POLG2: variants seen among roughly 807,000 people sequenced by gnomAD.
POLG2 encodes the protein DNA polymerase subunit gamma-2.
POLG2 carries 50 observed loss-of-function variants against 56.5 expected under a neutral mutation model. That is an observed-to-expected ratio of 0.88 (90% CI 0.71 to 1.12). The LOEUF (loss-of-function observed/expected upper bound fraction) is 1.12. Among genes scored for constraint, POLG2 ranks in the 50% most tolerant of loss-of-function variants. The probability of loss-of-function intolerance (pLI) is 0.00; values close to 1 mark genes in which losing one functional copy is unlikely to be tolerated. For missense variants in POLG2, 584 were observed against 583.3 expected, an observed-to-expected ratio of 1.00 and a Z score of -0.01; for synonymous variants, 226 against 222.6, an observed-to-expected ratio of 1.02 and a Z score of -0.14.
intron 6 of POLG2, among the ~76,000 whole-genome samples, chr17:64,482,096 CT>C (rs1185623297): frequency 3.9e-3 from 452 of 116,042 alleles, no homozygotes; most frequent in East Asian, 7.7e-3. Context: ...TTAATTAAAG[CT>C]TTTTTTTTTT....
At chr17:64,489,523 G>A (rs2038019769) in intron 4 of POLG2, among the ~76,000 whole-genome samples, 1 of 151,238 alleles carries the variant, frequency 6.6e-6, no homozygotes. Flanking sequence ...CATTTTGGGA[G>A]GCTGAGGCAG....
Position 64,496,884 on chromosome 17 carries a change from GC to G in POLG2, c.84del (p.Gln29SerfsTer5). On this transcript the variant is annotated frameshift_variant, in exon 1 of 8. Transcript: ENST00000539111. LOFTEE classifies it high-confidence loss of function. ...CTCCTTTCCGTCAACAGCTCCGGCT[GC>G]CCCGCATCTACTCGACCCCCAAACC... ...LSGFGGRVDA[G>X]QPELLTERSS... The G allele has an allele frequency of 6.2e-7, 1 of 1,613,358 alleles. No individual in the cohort carries two copies.
chr17:64,478,123 C>T, intron 7 of POLG2, 135 bp from the exon 8 acceptor site: 1 of 812,196 alleles, frequency 1.2e-6, no homozygotes, highest in Non-Finnish European at 2.0e-6. Context: ...ACCAAAAAAA[C>T]CCAACATTTT....
At chr17:64,495,713 AT>A (rs879955859) in intron 1 of POLG2, among the ~76,000 whole-genome samples, 66 of 147,844 alleles carry the variant, frequency 4.5e-4, no homozygotes, top group Middle Eastern at 3.5e-3. Context: ...AACTATTTGA[AT>A]TTTTTTTTTT....
intron 1 of POLG2, among the ~76,000 whole-genome samples, chr17:64,495,399 G>C (rs1164166138): frequency 6.6e-6 from 1 of 151,964 alleles, no homozygotes; most frequent in African/African-American, 2.4e-5. Context: ...GGACAACATG[G>C]CAAAACCTCA....
intron 6 of POLG2, among the ~76,000 whole-genome samples, chr17:64,481,042 C>T (rs191660658): frequency 9.6e-4 from 146 of 152,282 alleles, no homozygotes; most frequent in African/African-American, 3.4e-3. Flanking sequence ...AACAGTCTAG[C>T]ACCAACAGTC....
Position 64,482,920 on chromosome 17 carries a change from T to A in POLG2, c.1190A>T (p.Gln397Leu), listed in dbSNP as rs1382268738. 1 of 1,529,348 alleles carries A rather than the reference T, an allele frequency of 6.5e-7. No individual in the cohort carries two copies. Among genetic ancestry groups the A allele is most frequent in the African/African-American group, 1.4e-5 (1 of 72,600 alleles). The allele number at this position is 1,529,348 out of a possible 1,614,324, so 94.7% of individuals were successfully genotyped here. ...VGRGPTLELR[Q>L]VCQGLFNELL... ...GACATTTAAACTCATTTAACTCACC[T>A]GTCTTAGTTCCAATGTGGGGCCTCT... Residue 397 changes from glutamine (Q) to leucine (L), a missense_variant and splice_region_variant, in exon 6 of 8, where the codon CAG becomes CTG. Physicochemically the swap from Gln to Leu is moderately radical, Grantham distance 113. Transcript: ENST00000539111.
intron 3 of POLG2, chr17:64,491,374 CACTTGAGCTTAGG>C: frequency 3.6e-6 from 2 of 555,204 alleles, no homozygotes; most frequent in South Asian, 4.0e-5. Flanking sequence ...GCAGGGGGAT[CACTTGAGCTTAGG>C]ACTTCGAGAC....
intron 4 of POLG2, among the ~76,000 whole-genome samples, chr17:64,486,485 C>A (rs2037958152): frequency 6.6e-6 from 1 of 152,012 alleles, no homozygotes; most frequent in Admixed American, 6.6e-5. Context: ...CCTCAGTCTC[C>A]TGAGTAGCTA....
At chr17:64,482,379 T>C (rs1555666689) in intron 6 of POLG2, among the ~76,000 whole-genome samples, 1 of 151,076 alleles carries the variant, frequency 6.6e-6, no homozygotes, top group African/African-American at 2.5e-5. Flanking sequence ...TGGAGTGCAG[T>C]GGTGCTATCT....
intron 3 of POLG2, among the ~76,000 whole-genome samples, chr17:64,491,969 A>G (rs984453421): frequency 2.6e-5 from 4 of 152,062 alleles, no homozygotes; most frequent in African/African-American, 4.8e-5. Flanking sequence ...GACAACAAAA[A>G]TAAAATAAAA....
chr17:64,480,499 T>C, intron 6 of POLG2, 110 bp from the exon 7 acceptor site: 1 of 552,782 alleles, frequency 1.8e-6, no homozygotes, highest in Non-Finnish European at 3.5e-6. Context: ...AAAATGGGTA[T>C]GTTTCTTTAA....
intron 5 of POLG2, among the ~76,000 whole-genome samples, chr17:64,483,526 A>C (rs1296320453): frequency 1.3e-5 from 2 of 151,176 alleles, no homozygotes; most frequent in Non-Finnish European, 2.9e-5. Flanking sequence ...AAAAAAAAAA[A>C]AACAAATTAA....
At chr17:64,484,579 T>C (rs782651186) in intron 5 of POLG2, among the ~76,000 whole-genome samples, 3 of 152,104 alleles carry the variant, frequency 2.0e-5, no homozygotes, top group East Asian at 3.8e-4. Context: ...CGGTGGCTTA[T>C]AGCAGGGTGG....
rs2038042793 is a variant in POLG2 at position 64,490,694 on chromosome 17, G to GA, written c.969+101dup. 7 of 843,160 alleles carry GA rather than the reference G, an allele frequency of 8.3e-6. No homozygotes were observed. The South Asian group carries it at 8.3e-5, about 10-fold the overall frequency. 52.2% of individuals were successfully genotyped at this position (843,160 alleles called of 1,614,324 possible). A position where few individuals can be genotyped will look rare whatever the true frequency, so the allele number is the denominator to read the frequency against. ...TCTCTGCATCTGAAAAATACACAAT[G>GA]AAGTGTTAAGACACCACGTTTGCAC... On this transcript the variant is annotated intron_variant, in intron 4 of 7. Coordinates refer to ENST00000539111, the MANE Select transcript of POLG2 (RefSeq NM_007215.4).
At chr17:64,493,316 A>AGCTGGGAGGTGGATCACTTTAG (rs1368427297) in intron 1 of POLG2, among the ~76,000 whole-genome samples, 7 of 152,090 alleles carry the variant, frequency 4.6e-5, no homozygotes, top group African/African-American at 1.2e-4. Flanking sequence ...CTACTTGGAA[A>AGCTGGGAGGTGGATCACTTTAG]GCTGGGAGGT....
intron 5 of POLG2, chr17:64,485,463 G>A (rs1453632891): frequency 4.5e-6 from 2 of 441,722 alleles, no homozygotes; most frequent in Non-Finnish European, 8.3e-6. Context: ...AAAGGTTCAG[G>A]GGCTAGGAGT....
At position 64,492,692 on chromosome 17, in the gene POLG2, C is replaced by G. The variant is rs782361101; in HGVS notation, c.770G>C (p.Arg257Pro). 1 of 1,609,878 alleles carries G rather than the reference C, an allele frequency of 6.2e-7. No individual in the cohort carries two copies. Among genetic ancestry groups the G allele is most frequent in the Non-Finnish European group, 8.5e-7 (1 of 1,176,764 alleles). ...TSNQWLDFWL[R>P]HRLQWWRKFA... ...CTTTCTCCACCACTGGAGTCGATGA[C>G]GTAACCAGAAATCAAGCCACTGGTT... The change falls in exon 3 of 8, where the codon CGT (arginine) becomes CCT (proline). Residue 257 changes from arginine to proline, a missense_variant. Arg to Pro is a moderately radical substitution (Grantham distance 103, BLOSUM62 -2). Transcript: ENST00000539111.
At chr17:64,491,617 G>C in intron 3 of POLG2, 1 of 1,529,848 alleles carries the variant, frequency 6.5e-7, no homozygotes, top group Non-Finnish European at 9.0e-7. Flanking sequence ...TTCAGCCCTA[G>C]TGGCCTTGAT....
Sources: gnomAD v4.1 joint callset for allele counts (sites outside exome capture counted in the v4.1 genomes callset) on GRCh38, gnomAD v4.1.1 for gene constraint, MANE v1.5 for transcripts, NCBI Gene and HGNC (gene_info 2026-07-23, HGNC 2026-07-21) for gene names.